Variants in STOX2 observed in about 807,000 individuals in gnomAD.
The protein encoded by STOX2 is storkhead box 2, also known as storkhead-box protein 2.
STOX2 carries 28 observed loss-of-function variants against 60.9 expected under a neutral mutation model. That is an observed-to-expected ratio of 0.46 (90% CI 0.34 to 0.63). STOX2 has a LOEUF of 0.63. STOX2 is among the 30% of genes least tolerant of loss of function. STOX2 has a pLI of 0.01. For synonymous variants in STOX2, 472 were observed against 463.9 expected, an observed-to-expected ratio of 1.02 and a Z score of -0.22; for missense variants, 1,024 against 1,187.7, an observed-to-expected ratio of 0.86 and a Z score of 2.03.
At chr4:183,845,739 G>A (rs976191957) in intron 1 of STOX2, among the ~76,000 whole-genome samples, 2 of 152,202 alleles carry the variant, frequency 1.3e-5, no homozygotes, top group African/African-American at 4.8e-5. Flanking sequence ...CTCTGCATAT[G>A]TGCTTTATTA....
chr4:183,922,181 T>C (rs1742119739), intron 1 of STOX2, among the ~76,000 whole-genome samples: 1 of 152,190 alleles, frequency 6.6e-6, no homozygotes, highest in Non-Finnish European at 1.5e-5. Context: ...CTAGATGACT[T>C]TCCTCAAATT....
intron 1 of STOX2, among the ~76,000 whole-genome samples, chr4:183,813,257 C>T (rs1739078095): frequency 6.6e-6 from 1 of 152,098 alleles, no homozygotes; most frequent in South Asian, 2.1e-4. Context: ...GTGGCGGGCA[C>T]CTGTAATTCC....
At chr4:183,880,569 T>G (rs1264714715) in intron 1 of STOX2, among the ~76,000 whole-genome samples, 1 of 152,184 alleles carries the variant, frequency 6.6e-6, no homozygotes, top group Non-Finnish European at 1.5e-5. Context: ...ACATTCAACA[T>G]GTCCAGAAAA....
At position 183,856,485 on chromosome 4, in the gene STOX2, G is replaced by T. The variant is rs1560848386; in HGVS notation, c.364+58430G>T. Among the ~76,000 whole-genome samples, 1 of 152,204 alleles carries T rather than the reference G, an allele frequency of 6.6e-6. No homozygotes were observed. The highest frequency in any genetic ancestry group is 1.5e-5 in the Non-Finnish European group (1 of 68,034). The stretch of plus-strand genomic sequence containing the variant: ...TTTGACAGGTGAGGGTATTAATTCT[G>T]TTATTTCCACCTTCCCTCAGCAGTC... On this transcript the variant is annotated intron_variant, in intron 1 of 2. Transcript: ENST00000513034. The surrounding 1 kb of genome is among the most constrained non-coding windows in gnomAD (Gnocchi z 4.0).
At chr4:183,811,234 A>G (rs1178353189) in intron 1 of STOX2, among the ~76,000 whole-genome samples, 1 of 152,168 alleles carries the variant, frequency 6.6e-6, no homozygotes, top group Non-Finnish European at 1.5e-5. Context: ...AGGAGACTAC[A>G]TCAGTTGGTT....
At chr4:183,829,608 T>A (rs1739519109) in intron 1 of STOX2, among the ~76,000 whole-genome samples, 1 of 152,232 alleles carries the variant, frequency 6.6e-6, no homozygotes, top group African/African-American at 2.4e-5. Flanking sequence ...TTTAAATTTC[T>A]TGTGAAAATC....
chr4:183,802,832 G>A (rs892251561), intron 1 of STOX2, among the ~76,000 whole-genome samples: 3 of 152,088 alleles, frequency 2.0e-5, no homozygotes, highest in East Asian at 1.9e-4. Flanking sequence ...CGTATTAGCC[G>A]TGATGGTCTC....
At position 184,009,154 on chromosome 4, in the gene STOX2, T is replaced by TTTTAGGTGTTCCAA; in HGVS notation, c.320-4_320-3insTTTAGGTGTTCCAA. 2.0e-6 allele frequency: 3 copies of TTTTAGGTGTTCCAA among 1,470,564 alleles called. No homozygotes were observed. The highest frequency in any genetic ancestry group is 9.1e-7 in the Non-Finnish European group (1 of 1,104,704). The allele number at this position is 1,470,564 out of a possible 1,614,324, so 91.1% of individuals were successfully genotyped here. ...ACAAGTGGTTTTTTTTTTTTTTTTT[T>TTTTAGGTGTTCCAA]CAGGTGTTCCAACGCCAAGCCAAGA... On this transcript the variant is annotated splice_region_variant and splice_polypyrimidine_tract_variant and intron_variant, in intron 2 of 3. Transcript: ENST00000308497. This position sits in a 1 kb window ranked among gnomAD's most constrained non-coding sequence, Gnocchi z 4.0.
chr4:184,013,466 C>T (rs1328430472), intron 3 of STOX2, among the ~76,000 whole-genome samples: 3 of 152,150 alleles, frequency 2.0e-5, no homozygotes, highest in Non-Finnish European at 2.9e-5. Flanking sequence ...ACACAATAGC[C>T]GCATGTCTCC....
intron 1 of STOX2, among the ~76,000 whole-genome samples, chr4:183,843,318 C>T (rs771634163): frequency 5.3e-5 from 8 of 152,010 alleles, no homozygotes; most frequent in South Asian, 2.1e-4. Flanking sequence ...CACCCTGACC[C>T]GTAGGACTCC....
upstream of STOX2, among the ~76,000 whole-genome samples, chr4:183,904,243 G>A (rs75854276): frequency 3.2e-4 from 49 of 152,356 alleles, no homozygotes; most frequent in East Asian, 8.7e-3. Flanking sequence ...ACCTCCTGCT[G>A]TGCTGCCTGG....
At chr4:184,014,966 A>G (rs148731382) in intron 3 of STOX2, 5 of 152,304 alleles carry the variant, frequency 3.3e-5, no homozygotes, top group African/African-American at 1.2e-4. Context: ...GTATTTTCCC[A>G]TAGAAAATAC....
intron 1 of STOX2, among the ~76,000 whole-genome samples, chr4:183,971,307 A>G (rs1411649647): frequency 6.6e-6 from 1 of 152,184 alleles, no homozygotes; most frequent in African/African-American, 2.4e-5. Context: ...AGCACCCATC[A>G]CTATTGTGTG....
At chr4:183,905,243 A>C (rs1741555523), upstream of STOX2, 1 of 152,256 alleles carries the variant, frequency 6.6e-6, no homozygotes, top group Admixed American at 6.5e-5. Context: ...CGGGCGGCGC[A>C]TTGGCCCCTC....
chr4:183,837,978 G>T (rs1347767756), intron 1 of STOX2, among the ~76,000 whole-genome samples: 2 of 152,026 alleles, frequency 1.3e-5, no homozygotes, highest in African/African-American at 4.8e-5. Flanking sequence ...ATTTTACCTT[G>T]AGTTCTGAGA....
chr4:183,986,212 CAT>C (rs977444374), intron 1 of STOX2, among the ~76,000 whole-genome samples: 1 of 152,102 alleles, frequency 6.6e-6, no homozygotes, highest in African/African-American at 2.4e-5. Context: ...AATATCCAAA[CAT>C]GTATGTTTTC....
At chr4:183,928,784 C>T (rs947175195) in intron 1 of STOX2, among the ~76,000 whole-genome samples, 4 of 151,216 alleles carry the variant, frequency 2.6e-5, no homozygotes, top group African/African-American at 7.3e-5. Flanking sequence ...TCCAGCCTGG[C>T]GACAGAGCGA....
intron 1 of STOX2, among the ~76,000 whole-genome samples, chr4:183,804,941 A>C (rs533762309): frequency 6.6e-6 from 1 of 152,342 alleles, no homozygotes; most frequent in Admixed American, 6.5e-5. Context: ...TGGAAAATAA[A>C]TTGCATCAAG....
intron 1 of STOX2, among the ~76,000 whole-genome samples, chr4:183,950,462 G>A (rs1743034239): frequency 6.6e-6 from 1 of 152,218 alleles, no homozygotes; most frequent in Non-Finnish European, 1.5e-5. Context: ...GAGTGTGAAG[G>A]CCAAGGGCAG....
Sources: gnomAD v4.1 joint callset for allele counts (sites outside exome capture counted in the v4.1 genomes callset) on GRCh38, gnomAD v4.1.1 for gene constraint, Gnocchi (gnomAD v3.1) non-coding constraint, MANE v1.5 for transcripts, NCBI Gene and HGNC (gene_info 2026-07-23, HGNC 2026-07-21) for gene names.